Variants in CDH4 observed in about 807,000 individuals in gnomAD.
CDH4 encodes the protein cadherin 4.
Under a neutral mutation model 86.0 loss-of-function variants are expected in CDH4, and 33 were observed. That is an observed-to-expected ratio of 0.38 (90% CI 0.29 to 0.51). The LOEUF is 0.51. Among genes scored for constraint, CDH4 ranks in the 20% least tolerant of loss-of-function variants. The pLI, the probability that CDH4 is intolerant of heterozygous loss-of-function variation, is 0.86. For missense variants in CDH4, 1,114 were observed against 1,307.4 expected (o/e 0.85, Z 2.28); for synonymous variants, 555 against 549.4 (o/e 1.01, Z -0.14).
At chr20:61,361,155 A>G (rs989923533) in intron 2 of CDH4, among the ~76,000 whole-genome samples, 1 of 152,150 alleles carries the variant, frequency 6.6e-6, no homozygotes, top group Non-Finnish European at 1.5e-5. Flanking sequence ...TCTCAGGCTG[A>G]GACTGAGAGG....
intron 2 of CDH4, among the ~76,000 whole-genome samples, chr20:61,671,376 G>A (rs1242410881): frequency 2.0e-5 from 3 of 152,160 alleles, no homozygotes; most frequent in Non-Finnish European, 4.4e-5. Flanking sequence ...CACACCTGTA[G>A]TCCTAGCTAC....
At chr20:61,872,554 A>T (rs6061374) in intron 6 of CDH4, among the ~76,000 whole-genome samples, 1 of 152,092 alleles carries the variant, frequency 6.6e-6, no homozygotes. Context: ...GAGGCACTGC[A>T]CAGGTAGAGG....
chr20:61,290,490 A>G (rs113585002), intron 2 of CDH4, among the ~76,000 whole-genome samples: 12 of 117,052 alleles, frequency 1.0e-4, no homozygotes, highest in African/African-American at 1.7e-4. Flanking sequence ...GACTTGCTGG[A>G]TTTATCCCCA....
chr20:61,510,136 TG>T lies in CDH4; in HGVS notation c.170-233426del, dbSNP rs1323069345. On this transcript the variant is annotated intron_variant, in intron 2 of 15. Coordinates refer to ENST00000614565, the MANE Select transcript of CDH4 (RefSeq NM_001794.5). The surrounding 1 kb of genome is among the most constrained non-coding windows in gnomAD (Gnocchi z 4.2). ...CAGTGGAGTGTTATTCATTTAAAGT[TG>T]TTTGAAAATCTGATCAGAAAGAGCT... Among the ~76,000 whole-genome samples the T allele has an allele frequency of 6.6e-6, 1 of 152,220 alleles. No individual in the cohort carries two copies. The highest frequency in any genetic ancestry group is 1.5e-5 in the Non-Finnish European group (1 of 68,040).
chr20:61,447,751 G>A lies in CDH4; in HGVS notation c.169+192814G>A, dbSNP rs549142457. The stretch of plus-strand genomic sequence containing the variant: ...AAAATAAGACTTGGATGGCGAGGAC[G>A]AGAATGTCACCTTTTGCCTGTATCT... On this transcript the variant is annotated intron_variant, in intron 2 of 15. Transcript: ENST00000614565. Among the ~76,000 whole-genome samples, 11 of 151,830 alleles carry A rather than the reference G, an allele frequency of 7.2e-5. No homozygotes were observed. The South Asian group carries it at 8.3e-4, about 12-fold the overall frequency.
chr20:61,452,269 A>G (rs2085385184), intron 2 of CDH4, among the ~76,000 whole-genome samples: 1 of 152,218 alleles, frequency 6.6e-6, no homozygotes, highest in Non-Finnish European at 1.5e-5. Context: ...TCAGAAAATT[A>G]TATGAGATGA....
intron 2 of CDH4, among the ~76,000 whole-genome samples, chr20:61,376,921 C>T (rs2084875916): frequency 6.6e-6 from 1 of 152,304 alleles, no homozygotes; most frequent in Non-Finnish European, 1.5e-5. Context: ...CTAGGTGGTT[C>T]TGACACTGAT....
intron 2 of CDH4, among the ~76,000 whole-genome samples, chr20:61,325,385 TA>T (rs531709334): frequency 4.1e-4 from 63 of 152,348 alleles, no homozygotes; most frequent in African/African-American, 1.4e-3. Context: ...TAAATTCTGT[TA>T]ATGTCCCCTT....
intron 2 of CDH4, among the ~76,000 whole-genome samples, chr20:61,721,459 A>G (rs904902226): frequency 5.3e-5 from 8 of 152,204 alleles, no homozygotes; most frequent in Admixed American, 3.3e-4. Context: ...ATCAGAAAAA[A>G]AATCATTTCT....
chr20:61,298,377 G>T (rs138768392), intron 2 of CDH4, among the ~76,000 whole-genome samples: 1,219 of 100,034 alleles, frequency 0.012, 18 homozygotes, highest in African/African-American at 0.034. Context: ...CCCTCCAAGG[G>T]CTGAGGACCC....
intron 2 of CDH4, among the ~76,000 whole-genome samples, chr20:61,283,953 A>G (rs1266638649): frequency 6.6e-6 from 1 of 152,124 alleles, no homozygotes; most frequent in Non-Finnish European, 1.5e-5. Context: ...GACAGGTGTG[A>G]GGTGGCCCCA....
chr20:61,463,024 G>T (rs1332163599), intron 2 of CDH4, among the ~76,000 whole-genome samples: 2 of 152,206 alleles, frequency 1.3e-5, no homozygotes, highest in Non-Finnish European at 2.9e-5. Context: ...AATGGGGGTG[G>T]TTTCCACCAT....
At chr20:61,817,612 G>T (rs150426613) in intron 4 of CDH4, among the ~76,000 whole-genome samples, 1 of 152,094 alleles carries the variant, frequency 6.6e-6, no homozygotes, top group Non-Finnish European at 1.5e-5. Flanking sequence ...ACCTTCCCAC[G>T]TGTGCTTTCT....
Position 61,783,863 on chromosome 20 carries a change from C to T in CDH4, c.576+10681C>T, listed in dbSNP as rs74897490. On this transcript the variant is annotated intron_variant, in intron 4 of 15. Coordinates refer to ENST00000614565, the MANE Select transcript of CDH4 (RefSeq NM_001794.5). ...ACAGTTCTCAAGGCCCTCAGATGTC[C>T]TGTGCCCCCAAGAGAAATGTAATCC... 7.8e-4 allele frequency among the ~76,000 whole-genome samples: 27 copies of T among 34,764 alleles called. 1 individual carries two copies. Among genetic ancestry groups the T allele is most frequent in the African/African-American group, 3.5e-3 (20 of 5,742 alleles). 22.8% of individuals were successfully genotyped at this position (34,764 alleles called of 152,430 possible). A position where few individuals can be genotyped will look rare whatever the true frequency, so the allele number is the denominator to read the frequency against.
chr20:61,928,564 C>T (rs933771957), intron 12 of CDH4, 141 bp downstream of exon 12: 2 of 692,978 alleles, frequency 2.9e-6, no homozygotes, highest in African/African-American at 1.8e-5. Context: ...GCTGGGGACA[C>T]TGGCCACGCT....
chr20:61,520,983 TGTG>T (rs1326443625), intron 2 of CDH4, among the ~76,000 whole-genome samples: 23 of 152,282 alleles, frequency 1.5e-4, no homozygotes, highest in Middle Eastern at 6.8e-3. Flanking sequence ...GAATTGAGGT[TGTG>T]GTGGGAACAC....
At chr20:61,642,176 T>C (rs560080216) in intron 2 of CDH4, among the ~76,000 whole-genome samples, 1 of 152,344 alleles carries the variant, frequency 6.6e-6, no homozygotes, top group African/African-American at 2.4e-5. Context: ...CTAGCCCAGG[T>C]TGTAGTCATC....
intron 2 of CDH4, among the ~76,000 whole-genome samples, chr20:61,398,631 C>T (rs1263996309): frequency 6.6e-6 from 1 of 151,234 alleles, no homozygotes; most frequent in Non-Finnish European, 1.5e-5. Flanking sequence ...GGACAAGGCG[C>T]ACCCACACCA....
intron 3 of CDH4, among the ~76,000 whole-genome samples, chr20:61,761,434 A>G (rs1275180420): frequency 6.6e-6 from 1 of 152,216 alleles, no homozygotes; most frequent in Non-Finnish European, 1.5e-5. Flanking sequence ...TTTCATTTCC[A>G]CGGCAGACTC....
Sources: allele counts gnomAD v4.1 joint callset (sites outside exome capture counted in the v4.1 genomes callset), GRCh38; gene constraint gnomAD v4.1.1; non-coding constraint Gnocchi (gnomAD v3.1); transcripts MANE v1.5; gene names NCBI Gene and HGNC (gene_info 2026-07-23, HGNC 2026-07-21).